The following ANO1 variants were observed in gnomAD, a reference collection of about 807,000 sequenced individuals.
The protein encoded by ANO1 is anoctamin-1.
ANO1 carries 59 observed loss-of-function variants against 124.0 expected under a neutral mutation model. The ratio of observed to expected loss-of-function variants is 0.48; its 90% confidence interval spans 0.39 to 0.59. ANO1 has a LOEUF of 0.59. Among genes scored for constraint, ANO1 ranks in the 20% least tolerant of loss-of-function variants. The probability of loss-of-function intolerance (pLI) is 0.00; values close to 1 mark genes in which losing one functional copy is unlikely to be tolerated. For missense variants in ANO1, 1,059 were observed against 1,328.0 expected (o/e 0.80, Z 3.15); for synonymous variants, 529 against 532.0 (o/e 0.99, Z 0.08).
At chr11:70,095,920 G>A (rs888987660) in intron 2 of ANO1, among the ~76,000 whole-genome samples, 1 of 152,182 alleles carries the variant, frequency 6.6e-6, no homozygotes, top group Non-Finnish European at 1.5e-5. Flanking sequence ...AGTCAGCTAT[G>A]TCATGTTTTA....
chr11:70,169,622 G>A lies in ANO1; in HGVS notation c.2198-1265G>A, dbSNP rs76755176. 2.1e-3 allele frequency among the ~76,000 whole-genome samples: 321 copies of A among 152,134 alleles called. 3 individuals are homozygous for A. Among genetic ancestry groups the A allele is most frequent in the East Asian group, 9.1e-3 (47 of 5,176 alleles). ...CTGGCCCTCATGCACAGCACACACC[G>A]CCCCACATAAGCAATGCCTCATCCC... On this transcript the variant is annotated intron_variant, in intron 21 of 25. Coordinates refer to ENST00000355303, the MANE Select transcript of ANO1 (RefSeq NM_018043.7).
intron 1 of ANO1, among the ~76,000 whole-genome samples, chr11:70,023,358 G>A (rs1041090791): frequency 4.6e-5 from 7 of 152,208 alleles, no homozygotes; most frequent in East Asian, 1.9e-4. Flanking sequence ...TCCAGAGCTC[G>A]CCATTTGGGA....
intron 1 of ANO1, among the ~76,000 whole-genome samples, chr11:70,001,168 G>A (rs1169873964): frequency 6.6e-6 from 1 of 152,136 alleles, no homozygotes; most frequent in African/African-American, 2.4e-5. Context: ...ATGGCCAGAG[G>A]CCACCTGCTC....
chr11:70,093,097 C>T (rs1160662981), intron 2 of ANO1, among the ~76,000 whole-genome samples: 1 of 104,010 alleles, frequency 9.6e-6, no homozygotes, highest in Admixed American at 8.8e-5. Context: ...CTCTCTGTCT[C>T]TCTCCCTCTG....
At chr11:70,025,947 G>A (rs1238741842) in intron 1 of ANO1, among the ~76,000 whole-genome samples, 5 of 143,074 alleles carry the variant, frequency 3.5e-5, no homozygotes, top group Admixed American at 2.8e-4. Context: ...GGTGGTAGTG[G>A]TGATGACAGT....
chr11:70,021,376 G>A (rs924439642), intron 1 of ANO1, among the ~76,000 whole-genome samples: 3 of 152,070 alleles, frequency 2.0e-5, no homozygotes, highest in Non-Finnish European at 1.5e-5. Context: ...GGGGGCTGTC[G>A]TGACCTATAC....
At chr11:70,186,005 G>A (rs1466585256) in intron 25 of ANO1, among the ~76,000 whole-genome samples, 1 of 152,162 alleles carries the variant, frequency 6.6e-6, no homozygotes, top group Non-Finnish European at 1.5e-5. Flanking sequence ...AGAGACAGGG[G>A]CCAGGCACAG....
chr11:70,008,554 C>T (rs1036534647), intron 1 of ANO1, among the ~76,000 whole-genome samples: 5 of 152,082 alleles, frequency 3.3e-5, no homozygotes, highest in African/African-American at 1.2e-4. Flanking sequence ...TTGACCATGT[C>T]CAGGAGGGTT....
upstream of ANO1, among the ~76,000 whole-genome samples, chr11:70,073,322 C>T (rs1445933863): frequency 2.0e-5 from 3 of 152,208 alleles, no homozygotes; most frequent in East Asian, 1.9e-4. Flanking sequence ...TTTAAGATTT[C>T]GTCTAAACTT....
intron 1 of ANO1, among the ~76,000 whole-genome samples, chr11:70,023,961 T>C (rs536580641): frequency 1.5e-3 from 225 of 152,342 alleles, no homozygotes; most frequent in Admixed American, 2.3e-3. Context: ...TATCCAGGAT[T>C]GCTTGGGTTG....
Position 70,104,271 on chromosome 11 carries a change from T to C in ANO1, c.692+121T>C, listed in dbSNP as rs577601302. On this transcript the variant is annotated intron_variant, in intron 4 of 25. Transcript: ENST00000355303. ...AAGAAGAGCGTGTTCTTGTAAGAGC[T>C]TTGTGGTTGCTGAGCCCAGAAGAGG... 2.3e-5 allele frequency: 28 copies of C among 1,214,118 alleles called. No individual in the cohort carries two copies. In the East Asian group the frequency reaches 6.4e-4, roughly 28 times the overall value. The allele number at this position is 1,214,118 out of a possible 1,614,324, so 75.2% of individuals were successfully genotyped here.
intron 11 of ANO1, among the ~76,000 whole-genome samples, chr11:70,145,012 G>A (rs2047306883): frequency 6.6e-6 from 1 of 152,218 alleles, no homozygotes; most frequent in Admixed American, 6.5e-5. Context: ...ATTTGTATGA[G>A]GTGGTTGGCA....
intron 1 of ANO1, among the ~76,000 whole-genome samples, chr11:70,050,444 C>G (rs903047714): frequency 1.3e-5 from 2 of 152,150 alleles, no homozygotes; most frequent in Admixed American, 1.3e-4. Flanking sequence ...TCCTCGTTCC[C>G]CAGGCAGCTC....
chr11:70,167,022 C>T (rs1050805927), intron 20 of ANO1, among the ~76,000 whole-genome samples: 2 of 152,126 alleles, frequency 1.3e-5, no homozygotes, highest in African/African-American at 4.8e-5. Flanking sequence ...CAGCATGTGC[C>T]TATAGTCCCA....
chr11:70,037,710 T>C (rs535103283), intron 1 of ANO1, among the ~76,000 whole-genome samples: 1 of 152,230 alleles, frequency 6.6e-6, no homozygotes, highest in East Asian at 1.9e-4. Flanking sequence ...AAGCACCTCA[T>C]GGAACAGCTG....
At chr11:70,087,222 C>T (rs1367385585) in intron 1 of ANO1, among the ~76,000 whole-genome samples, 1 of 152,164 alleles carries the variant, frequency 6.6e-6, no homozygotes, top group Non-Finnish European at 1.5e-5. Context: ...GTAATAATCA[C>T]CTCATGGAAA....
At chr11:70,026,909 G>A (rs1856918681) in intron 1 of ANO1, among the ~76,000 whole-genome samples, 2 of 152,114 alleles carry the variant, frequency 1.3e-5, no homozygotes, top group Non-Finnish European at 1.5e-5. Flanking sequence ...CAAACACCAG[G>A]TGTGTTTCCA....
At chr11:70,129,056 G>A (rs577649060) in intron 10 of ANO1, among the ~76,000 whole-genome samples, 9 of 152,326 alleles carry the variant, frequency 5.9e-5, no homozygotes, top group Non-Finnish European at 1.2e-4. Flanking sequence ...AGAGGGGCTC[G>A]CGTTGTGCCC....
intron 1 of ANO1, chr11:69,986,258 T>G (rs1440907191): frequency 6.6e-6 from 1 of 152,242 alleles, no homozygotes; most frequent in Non-Finnish European, 1.5e-5. Flanking sequence ...TGCGGAGGAC[T>G]CAGGGGCGCA....
Sources: gnomAD v4.1 joint callset for allele counts (sites outside exome capture counted in the v4.1 genomes callset) on GRCh38, gnomAD v4.1.1 for gene constraint, MANE v1.5 for transcripts, NCBI Gene and HGNC (gene_info 2026-07-23, HGNC 2026-07-21) for gene names.